The following ANKFN1 variants were observed in gnomAD, a reference collection of about 807,000 sequenced individuals.
ANKFN1 encodes the protein ankyrin repeat and fibronectin type-III domain-containing protein 1.
A neutral mutation model predicts 108.7 loss-of-function variants in ANKFN1; 74 were observed. The ratio of observed to expected loss-of-function variants is 0.68; its 90% CI spans 0.56 to 0.83. The LOEUF is 0.83. Ranked by LOEUF, ANKFN1 falls within the 40% of genes least tolerant of loss-of-function variation. The pLI is 0.00. For missense variants in ANKFN1, 1,505 were observed against 1,382.3 expected (o/e 1.09, Z -1.41); for synonymous variants, 547 against 516.2 (o/e 1.06, Z -0.81).
chr17:56,499,435 A>C (rs2051298973), intron 20 of ANKFN1, among the ~76,000 whole-genome samples: 2 of 152,162 alleles, frequency 1.3e-5, no homozygotes, highest in South Asian at 4.1e-4. Context: ...CACAAAAGCC[A>C]AGGGAATCTG....
At chr17:56,144,183 A>ACT (rs60975832) in intron 4 of ANKFN1, among the ~76,000 whole-genome samples, 22,075 of 116,166 alleles carry the variant, frequency 0.19, 5,371 homozygotes, top group East Asian at 0.3. Flanking sequence ...AAAAAAAAAA[A>ACT]AACAGCCCAA....
At chr17:56,376,796 G>C (rs1031691883) in intron 8 of ANKFN1, among the ~76,000 whole-genome samples, 5 of 152,158 alleles carry the variant, frequency 3.3e-5, no homozygotes, top group Non-Finnish European at 7.3e-5. Flanking sequence ...ATTATAAATA[G>C]AATTGTCTGT....
At chr17:56,278,842 G>A (rs1015804846) in intron 3 of ANKFN1, among the ~76,000 whole-genome samples, 2 of 152,172 alleles carry the variant, frequency 1.3e-5, no homozygotes, top group Non-Finnish European at 2.9e-5. Flanking sequence ...CTGTTGTCTT[G>A]AAATGCCTTG....
At chr17:56,374,855 T>C (rs1396923567) in intron 8 of ANKFN1, 141 bp downstream of exon 8, 1 of 658,678 alleles carries the variant, frequency 1.5e-6, no homozygotes, top group Non-Finnish European at 2.6e-6. Flanking sequence ...TTGAAATATT[T>C]CCATAGGCAC....
intron 15 of ANKFN1, among the ~76,000 whole-genome samples, chr17:56,475,428 T>A (rs1370709996): frequency 2.0e-5 from 3 of 152,082 alleles, no homozygotes. Context: ...ATCTGCTAGA[T>A]GTTGCAGATG....
In ANKFN1 at chr17:56,510,680, C is replaced by T. The variant is rs565093389; in HGVS notation, c.2852C>T (p.Pro951Leu). The stretch of plus-strand genomic sequence containing the variant: ...CACGACGTGAAAACCCCTCTGGGGC[C>T]GGGCCAGGATCCCCAGGGCGAGGGC... ...QVHDVKTPLG[P>L]GQDPQGEGPN... Residue 951 changes from proline (P) to leucine (L), a missense_variant, in exon 21 of 21, where the codon CCG becomes CTG. By Grantham distance (98) the Pro-to-Leu change is moderately conservative. Coordinates refer to ENST00000682825, the MANE Select transcript of ANKFN1 (RefSeq NM_001370326.1). 18 of 1,536,050 alleles carry T rather than the reference C, an allele frequency of 1.2e-5. No homozygotes were observed. The highest frequency in any genetic ancestry group is 2.0e-5 in the Admixed American group (1 of 50,986).
At chr17:56,070,286 G>A (rs1208643498) in intron 4 of ANKFN1, among the ~76,000 whole-genome samples, 1 of 152,204 alleles carries the variant, frequency 6.6e-6, no homozygotes, top group Non-Finnish European at 1.5e-5. Flanking sequence ...AGGCTCTAGA[G>A]GAGAATTGTT....
Position 56,350,945 on chromosome 17 carries a change from T to C in ANKFN1, c.368T>C (p.Leu123Pro). The change falls in exon 5 of 21, where the codon CTG (leucine) becomes CCG (proline). Residue 123 changes from leucine (L) to proline (P), a missense_variant. By Grantham distance (98) the Leu-to-Pro change is moderately conservative (BLOSUM62 -3). Coordinates refer to ENST00000682825, the MANE Select transcript of ANKFN1 (RefSeq NM_001370326.1). ...TATTTTAGGACAAGAACTGATCGGC[T>C]GAGTCTCAGGAAGACCTCGGTGGTA... ...EAYFRTRTDR[L>P]SLRKTSVNFQ... The C allele has an allele frequency of 6.2e-7, 1 of 1,613,668 alleles. No homozygotes were observed. Among genetic ancestry groups the C allele is most frequent in the Non-Finnish European group, 8.5e-7 (1 of 1,179,794 alleles).
intron 8 of ANKFN1, among the ~76,000 whole-genome samples, chr17:56,414,554 A>G (rs540450893): frequency 6.6e-6 from 1 of 152,340 alleles, no homozygotes; most frequent in Admixed American, 6.5e-5. Context: ...ACCATGACCA[A>G]GCAGGATTTA....
intron 4 of ANKFN1, among the ~76,000 whole-genome samples, chr17:56,132,035 A>G (rs1226298869): frequency 2.0e-5 from 3 of 152,210 alleles, no homozygotes; most frequent in Non-Finnish European, 4.4e-5. Context: ...GTAAGAATTC[A>G]TGGCTTCATT....
chr17:56,267,228 C>G (rs2043675988), intron 3 of ANKFN1, among the ~76,000 whole-genome samples: 1 of 152,122 alleles, frequency 6.6e-6, no homozygotes. Context: ...ACATAATTTA[C>G]TGTAAGAAGT....
intron 18 of ANKFN1, among the ~76,000 whole-genome samples, chr17:56,490,459 G>A (rs1406622644): frequency 6.6e-6 from 1 of 152,120 alleles, no homozygotes; most frequent in East Asian, 1.9e-4. Flanking sequence ...CAAAGCTTAG[G>A]GTTGATGAGG....
chr17:56,118,655 T>G (rs536260168), intron 4 of ANKFN1, among the ~76,000 whole-genome samples: 1 of 152,128 alleles, frequency 6.6e-6, no homozygotes, highest in African/African-American at 2.4e-5. Context: ...CTGAAATAGA[T>G]AGTATAGATG....
intron 1 of ANKFN1, among the ~76,000 whole-genome samples, chr17:56,210,509 CAT>C (rs1355057542): frequency 6.6e-6 from 1 of 151,992 alleles, no homozygotes; most frequent in East Asian, 1.9e-4. Context: ...GCATTTTTTT[CAT>C]ATGTTTGTTG....
intron 4 of ANKFN1, among the ~76,000 whole-genome samples, chr17:56,140,155 T>A (rs972563101): frequency 1.3e-5 from 2 of 152,232 alleles, no homozygotes; most frequent in Non-Finnish European, 2.9e-5. Flanking sequence ...TCATCTTGGC[T>A]TCCTTAATTC....
At chr17:56,179,612 G>A (rs1387101320) in intron 1 of ANKFN1, among the ~76,000 whole-genome samples, 1 of 152,198 alleles carries the variant, frequency 6.6e-6, no homozygotes, top group East Asian at 1.9e-4. Context: ...CTGAATGTTA[G>A]GAAGAAAGGC....
At chr17:56,395,493 G>A (rs183524787) in intron 8 of ANKFN1, among the ~76,000 whole-genome samples, 60 of 152,264 alleles carry the variant, frequency 3.9e-4, no homozygotes, top group African/African-American at 1.4e-3. Context: ...GAATTCCAGG[G>A]TGAAAAGACT....
chr17:56,376,878 A>G (rs1023234288), intron 8 of ANKFN1, among the ~76,000 whole-genome samples: 6 of 152,194 alleles, frequency 3.9e-5, no homozygotes, highest in Admixed American at 3.9e-4. Context: ...GACCGTTCTC[A>G]AGGGTTATTT....
chr17:56,061,074 T>G (rs1408382390), intron 4 of ANKFN1, among the ~76,000 whole-genome samples: 2 of 152,282 alleles, frequency 1.3e-5, no homozygotes. Flanking sequence ...GGGCTTTTTT[T>G]GGTTGGTAGG....
Sources: gnomAD v4.1 joint callset for allele counts (sites outside exome capture counted in the v4.1 genomes callset) on GRCh38, gnomAD v4.1.1 for gene constraint, MANE v1.5 for transcripts, NCBI Gene and HGNC (gene_info 2026-07-23, HGNC 2026-07-21) for gene names.